The following GBP7 variants were observed in gnomAD, a reference collection of about 807,000 sequenced individuals.
GBP7 encodes guanylate-binding protein 7.
Under a neutral mutation model 61.3 loss-of-function variants are expected in GBP7, and 43 were observed. The ratio of observed to expected loss-of-function variants is 0.70; its 90% CI spans 0.55 to 0.91. The LOEUF (loss-of-function observed/expected upper bound fraction) is 0.91. Among genes scored for constraint, GBP7 ranks in the 40% least tolerant of loss-of-function variants. The probability of loss-of-function intolerance (pLI) is 0.00; values close to 1 mark genes in which losing one functional copy is unlikely to be tolerated. For missense variants in GBP7, 717 were observed against 740.5 expected (o/e 0.97, Z 0.37); for synonymous variants, 267 against 271.0 (o/e 0.99, Z 0.14).
intron 1 of GBP7, among the ~76,000 whole-genome samples, chr1:89,173,301 C>T (rs1027942043): frequency 6.6e-6 from 1 of 152,096 alleles, no homozygotes; most frequent in African/African-American, 2.4e-5. Flanking sequence ...TATACTAGGA[C>T]ACATCTATAT....
chr1:89,132,813 T>C (rs1681710387), intron 10 of GBP7, among the ~76,000 whole-genome samples: 1 of 152,218 alleles, frequency 6.6e-6, no homozygotes, highest in African/African-American at 2.4e-5. Context: ...TTACTCTAGT[T>C]GTATAGGATG....
intron 2 of GBP7, among the ~76,000 whole-genome samples, chr1:89,169,048 A>G (rs967659593): frequency 6.6e-6 from 1 of 152,212 alleles, no homozygotes; most frequent in Non-Finnish European, 1.5e-5. Flanking sequence ...CAGCCTCCAT[A>G]GAATTAACAG....
At chr1:89,172,505 C>G (rs1222523769) in intron 1 of GBP7, among the ~76,000 whole-genome samples, 1 of 152,088 alleles carries the variant, frequency 6.6e-6, no homozygotes, top group Non-Finnish European at 1.5e-5. Context: ...TCTGATGTTT[C>G]CTCATTGATT....
At chr1:89,139,116 A>G (rs904614561) in intron 9 of GBP7, among the ~76,000 whole-genome samples, 1 of 152,198 alleles carries the variant, frequency 6.6e-6, no homozygotes, top group Non-Finnish European at 1.5e-5. Context: ...AATGGAACAG[A>G]ACAGAGCCCT....
intron 3 of GBP7, among the ~76,000 whole-genome samples, chr1:89,161,355 T>C (rs1647261510): frequency 6.6e-6 from 1 of 152,168 alleles, no homozygotes; most frequent in South Asian, 2.1e-4. Context: ...CCACACTGTC[T>C]CCCACAATGG....
chr1:89,172,140 T>A (rs1039353349), intron 1 of GBP7, among the ~76,000 whole-genome samples, 186 bp from the exon 2 acceptor site: 1 of 152,186 alleles, frequency 6.6e-6, no homozygotes, highest in East Asian at 1.9e-4. Context: ...ATAATTTCAT[T>A]TTGAAATAGA....
chr1:89,158,830 T>A (rs1217138654), intron 3 of GBP7, among the ~76,000 whole-genome samples: 1 of 152,130 alleles, frequency 6.6e-6, no homozygotes, highest in Non-Finnish European at 1.5e-5. Context: ...AAGCTACCAA[T>A]GACTTTCTTC....
chr1:89,140,794 A>T (rs1681923135), intron 9 of GBP7, among the ~76,000 whole-genome samples: 1 of 152,230 alleles, frequency 6.6e-6, no homozygotes, highest in African/African-American at 2.4e-5. Flanking sequence ...ACATGGAATC[A>T]ACCTAAATGT....
rs1170972280 is a variant in GBP7, at chr1:89,149,301, C to T, written c.1143G>A (p.Lys381=). Reference sequence around the variant, plus strand: ...AAATAACAAAGATTACCACAAGCTTCTTCTGAAATTCCTGGCTTTTATCTT... The same window carrying T: ...AAATAACAAAGATTACCACAAGCTTTTTCTGAAATTCCTGGCTTTTATCTT... ...SFKDKSQEFQ[K]KLVDTMEKKK... Residue 381 remains lysine, a synonymous_variant, in exon 7 of 11, where the codon AAG becomes AAA. Transcript: ENST00000294671. 2 of 1,600,430 alleles carry T rather than the reference C, an allele frequency of 1.2e-6. No individual in the cohort carries two copies. Among genetic ancestry groups the T allele is most frequent in the Non-Finnish European group, 1.7e-6 (2 of 1,172,048 alleles).
intron 2 of GBP7, among the ~76,000 whole-genome samples, chr1:89,170,160 AACT>A (rs1289622888): frequency 1.3e-5 from 2 of 152,216 alleles, no homozygotes; most frequent in Non-Finnish European, 2.9e-5. Flanking sequence ...TCACTAATCA[AACT>A]ACATAAAAGA....
At chr1:89,149,198 CAAG>C in intron 7 of GBP7, 91 bp downstream of exon 7, 1 of 1,091,148 alleles carries the variant, frequency 9.2e-7, no homozygotes, top group Non-Finnish European at 1.3e-6. Context: ...CCCTTTACTA[CAAG>C]AAGGAGATGA....
Position 89,152,789 on chromosome 1 carries a change from G to GAA in GBP7, c.319-14_319-13dup, listed in dbSNP as rs10710842. The GAA allele has an allele frequency of 1.1e-3, 1,388 of 1,245,618 alleles. No individual in the cohort carries two copies. The highest frequency in any genetic ancestry group is 2.6e-3 in the South Asian group (163 of 62,158). The allele number at this position is 1,245,618 out of a possible 1,614,324, so 77.2% of individuals were successfully genotyped here. A position where few individuals can be genotyped will look rare whatever the true frequency, so the allele number is the denominator to read the frequency against. ...CTCTTAGGGTCACTCTAGTGTTAAA[G>GAA]AAAAAAAAAAAAAAAATGGAAGCCA... On this transcript the variant is annotated splice_polypyrimidine_tract_variant and intron_variant, in intron 3 of 10. Transcript: ENST00000294671.
chr1:89,174,158 T>C (rs1209634971), intron 1 of GBP7, among the ~76,000 whole-genome samples: 2 of 152,242 alleles, frequency 1.3e-5, no homozygotes, highest in Non-Finnish European at 2.9e-5. Flanking sequence ...TATGGGCATT[T>C]AGATTGTTTC....
chr1:89,132,262 T>C lies in GBP7; in HGVS notation c.1804A>G (p.Ser602Gly). ...VFSQILDVAG[S>G]IFIAALPGAA... ...CCAGGTAGTGCTGCAATAAATATAC[T>C]GCCAGCCACATCAAGAATCTGTGAA... is the stretch of plus-strand genomic sequence containing the variant. The change falls in exon 11 of 11, where the codon AGT becomes GGT. Residue 602 changes from serine (S) to glycine (G), a missense_variant. Transcript: ENST00000294671. The C allele has an allele frequency of 6.2e-7, 1 of 1,614,046 alleles. No individual in the cohort carries two copies. Among genetic ancestry groups the C allele is most frequent in the South Asian group, 1.1e-5 (1 of 91,080 alleles).
intron 3 of GBP7, among the ~76,000 whole-genome samples, chr1:89,161,711 A>G (rs192262374): frequency 2.0e-5 from 3 of 150,698 alleles, no homozygotes; most frequent in African/African-American, 7.5e-5. Flanking sequence ...ATTTTCTCCC[A>G]TTCTTTAGGT....
intron 8 of GBP7, among the ~76,000 whole-genome samples, chr1:89,143,133 T>C (rs1299287772): frequency 2.0e-5 from 3 of 152,226 alleles, no homozygotes; most frequent in Non-Finnish European, 4.4e-5. Flanking sequence ...TGTTCTGATT[T>C]ATACCTCATT....
intron 2 of GBP7, 22 bp downstream of exon 2, chr1:89,171,724 A>T (rs767817640): frequency 1.2e-6 from 2 of 1,608,196 alleles, no homozygotes; most frequent in Non-Finnish European, 1.7e-6. Flanking sequence ...GGGCTCATCC[A>T]TGCTTTGCTG....
intron 1 of GBP7, among the ~76,000 whole-genome samples, chr1:89,172,456 G>A (rs561640375): frequency 8.2e-4 from 125 of 152,260 alleles, no homozygotes; most frequent in Admixed American, 6.6e-3. Context: ...GAATAGCACT[G>A]GCCTGTGATT....
intron 3 of GBP7, among the ~76,000 whole-genome samples, chr1:89,153,117 T>C (rs1248678622): frequency 6.6e-6 from 1 of 152,252 alleles, no homozygotes; most frequent in African/African-American, 2.4e-5. Flanking sequence ...TGAAGTCTCC[T>C]GAATGATGCT....
Sources: allele counts gnomAD v4.1 joint callset (sites outside exome capture counted in the v4.1 genomes callset), GRCh38; gene constraint gnomAD v4.1.1; transcripts MANE v1.5; gene names NCBI Gene and HGNC (gene_info 2026-07-23, HGNC 2026-07-21).